The following NR3C2 variants were observed in gnomAD, a reference collection of about 807,000 sequenced individuals.
NR3C2 encodes nuclear receptor subfamily 3 group C member 2, also known as mineralocorticoid receptor.
A neutral mutation model predicts 86.4 loss-of-function variants in NR3C2; 15 were observed. That is an observed-to-expected ratio of 0.17 (90% confidence interval 0.12 to 0.27). The LOEUF is 0.27. Among genes scored for constraint, NR3C2 ranks in the 10% least tolerant of loss-of-function variants. NR3C2 has a pLI of 1.00. For synonymous variants in NR3C2, 458 were observed against 450.5 expected (o/e 1.02, Z -0.21); for missense variants, 960 against 1,195.6 (o/e 0.80, Z 2.91).
chr4:148,087,119 C>T (rs1730849464), intron 8 of NR3C2, among the ~76,000 whole-genome samples: 1 of 152,188 alleles, frequency 6.6e-6, no homozygotes, highest in African/African-American at 2.4e-5. Flanking sequence ...CATTCCTATA[C>T]ACCAATAATA....
At chr4:148,441,433 G>A (rs1296060873) in intron 1 of NR3C2, among the ~76,000 whole-genome samples, 1 of 152,130 alleles carries the variant, frequency 6.6e-6, no homozygotes, top group Non-Finnish European at 1.5e-5. Flanking sequence ...AAAATTCGGC[G>A]GTTTCAAAAG....
At chr4:148,349,130 A>T (rs1338126250) in intron 2 of NR3C2, among the ~76,000 whole-genome samples, 1 of 152,154 alleles carries the variant, frequency 6.6e-6, no homozygotes, top group Non-Finnish European at 1.5e-5. Flanking sequence ...AGTGGCAACA[A>T]CATCACAGGC....
At chr4:148,306,198 CAACT>C (rs1394464845) in intron 2 of NR3C2, among the ~76,000 whole-genome samples, 2 of 152,180 alleles carry the variant, frequency 1.3e-5, no homozygotes, top group African/African-American at 4.8e-5. Context: ...GGAAATAAAT[CAACT>C]AACTGCCTAA....
chr4:148,080,845 C>T lies in NR3C2; in HGVS notation c.*499G>A, dbSNP rs939536653. ...CCCCACGCCACGAGTTCTGTTATTA[C>T]ACAACAGGAATCTGTATATATTTTT... is the stretch of plus-strand genomic sequence containing the variant. On this transcript the variant is annotated 3_prime_UTR_variant, in exon 9 of 9. Transcript: ENST00000358102. 5 of 414,758 alleles carry T rather than the reference C, an allele frequency of 1.2e-5. No homozygotes were observed. Among genetic ancestry groups the T allele is most frequent in the Non-Finnish European group, 2.4e-5 (5 of 204,670 alleles). 25.7% of individuals were successfully genotyped at this position (414,758 alleles called of 1,614,324 possible).
intron 2 of NR3C2, among the ~76,000 whole-genome samples, chr4:148,280,902 A>G (rs964192203): frequency 6.6e-6 from 1 of 152,216 alleles, no homozygotes; most frequent in Admixed American, 6.5e-5. Context: ...GTGTGTACTA[A>G]TTCCTCTTTT....
At chr4:148,239,398 G>A (rs561835144) in intron 3 of NR3C2, among the ~76,000 whole-genome samples, 21 of 152,258 alleles carry the variant, frequency 1.4e-4, no homozygotes, top group African/African-American at 5.1e-4. Flanking sequence ...TCAGCACTGG[G>A]GCTACCTTTC....
At chr4:148,179,872 T>C (rs546442561) in intron 4 of NR3C2, among the ~76,000 whole-genome samples, 5 of 151,932 alleles carry the variant, frequency 3.3e-5, no homozygotes, top group South Asian at 2.1e-4. Context: ...GCTTAATTTA[T>C]ATGTGAAGAT....
intron 2 of NR3C2, among the ~76,000 whole-genome samples, chr4:148,381,144 C>T (rs949565280): frequency 6.6e-6 from 1 of 151,748 alleles, no homozygotes; most frequent in African/African-American, 2.4e-5. Flanking sequence ...AGGAGGATCG[C>T]TTGAGCCCAG....
intron 6 of NR3C2, among the ~76,000 whole-genome samples, chr4:148,149,391 C>G (rs996228443): frequency 2.6e-5 from 4 of 151,882 alleles, no homozygotes; most frequent in African/African-American, 9.7e-5. Context: ...CCTTTAAGTA[C>G]ATTATTCCCA....
chr4:148,094,051 A>C (rs1031983383), intron 8 of NR3C2, among the ~76,000 whole-genome samples: 2 of 152,230 alleles, frequency 1.3e-5, no homozygotes, highest in Non-Finnish European at 2.9e-5. Context: ...TTCTCCAAAG[A>C]AGATACACAA....
chr4:148,430,644 G>A (rs1289972148), intron 2 of NR3C2, among the ~76,000 whole-genome samples: 1 of 152,016 alleles, frequency 6.6e-6, no homozygotes, highest in Non-Finnish European at 1.5e-5. Context: ...ATGCTGTAAT[G>A]GATTTATGTA....
At chr4:148,201,519 C>T (rs986070224) in intron 3 of NR3C2, among the ~76,000 whole-genome samples, 1 of 152,084 alleles carries the variant, frequency 6.6e-6, no homozygotes, top group East Asian at 1.9e-4. Flanking sequence ...AAGATTGGTC[C>T]TTTGCCTGCT....
chr4:148,198,292 A>G (rs1736534251), intron 3 of NR3C2, among the ~76,000 whole-genome samples: 1 of 152,198 alleles, frequency 6.6e-6, no homozygotes, highest in African/African-American at 2.4e-5. Context: ...ATTATTTTAA[A>G]AGTTACTGCA....
At chr4:148,426,185 C>G (rs1749519831) in intron 2 of NR3C2, among the ~76,000 whole-genome samples, 1 of 152,200 alleles carries the variant, frequency 6.6e-6, no homozygotes, top group Non-Finnish European at 1.5e-5. Flanking sequence ...CAAGAGTAAG[C>G]ATTGTGCCTC....
intron 2 of NR3C2, among the ~76,000 whole-genome samples, chr4:148,319,353 G>A (rs914538725): frequency 8.5e-5 from 13 of 152,238 alleles, no homozygotes; most frequent in East Asian, 3.9e-4. Context: ...TTGACTTGGC[G>A]ATGTGGGCTC....
intron 2 of NR3C2, among the ~76,000 whole-genome samples, chr4:148,336,008 T>C (rs1192113784): frequency 6.6e-6 from 1 of 152,210 alleles, no homozygotes; most frequent in Non-Finnish European, 1.5e-5. Flanking sequence ...TTTTGTTTTG[T>C]GACCTTCCTC....
At chr4:148,250,754 A>G (rs983861924) in intron 3 of NR3C2, among the ~76,000 whole-genome samples, 1 of 152,184 alleles carries the variant, frequency 6.6e-6, no homozygotes, top group Non-Finnish European at 1.5e-5. Flanking sequence ...CTGAAGCCTC[A>G]GTAGTTCTAA....
At chr4:148,321,475 G>C (rs1324636846) in intron 2 of NR3C2, among the ~76,000 whole-genome samples, 1 of 151,720 alleles carries the variant, frequency 6.6e-6, no homozygotes, top group Non-Finnish European at 1.5e-5. Context: ...GTTGACAGTG[G>C]GGTGTTAAAA....
At chr4:148,389,321 A>G (rs191041158) in intron 2 of NR3C2, among the ~76,000 whole-genome samples, 2 of 152,360 alleles carry the variant, frequency 1.3e-5, no homozygotes, top group East Asian at 1.9e-4. Context: ...AGGAATAGAA[A>G]GATGGCAGGT....
Sources: gnomAD v4.1 joint callset for allele counts (sites outside exome capture counted in the v4.1 genomes callset) on GRCh38, gnomAD v4.1.1 for gene constraint, MANE v1.5 for transcripts, NCBI Gene and HGNC (gene_info 2026-07-23, HGNC 2026-07-21) for gene names.